Variants in CEP290 observed in about 807,000 individuals in gnomAD.
The protein encoded by CEP290 is centrosomal protein 290.
A neutral mutation model predicts 344.9 loss-of-function variants in CEP290; 317 were observed. The observed-to-expected ratio is 0.92, with a 90% confidence interval of 0.84 to 1.01. The LOEUF (loss-of-function observed/expected upper bound fraction) is 1.01. CEP290 is among the 50% of genes least tolerant of loss of function. CEP290 has a pLI of 0.00. For missense variants in CEP290, 2,754 were observed against 2,761.4 expected (o/e 1.00, Z 0.06); for synonymous variants, 932 against 895.8 (o/e 1.04, Z -0.72).
chr12:88,116,855 TC>T (rs982895664), intron 18 of CEP290, among the ~76,000 whole-genome samples, 177 bp downstream of exon 18: 1 of 151,070 alleles, frequency 6.6e-6, no homozygotes, highest in African/African-American at 2.4e-5. Context: ...GCGCCTGTAG[TC>T]CCAGCTACTT....
At chr12:88,061,966 A>T (rs2034519298) in intron 46 of CEP290, among the ~76,000 whole-genome samples, 1 of 152,050 alleles carries the variant, frequency 6.6e-6, no homozygotes, top group Non-Finnish European at 1.5e-5. Context: ...TTTAGTAGAG[A>T]TGGGGTTTCA....
At chr12:88,055,497 A>T in intron 50 of CEP290, 79 bp downstream of exon 50, 2 of 1,263,812 alleles carry the variant, frequency 1.6e-6, no homozygotes, top group South Asian at 1.8e-5. Flanking sequence ...GTCCATTTTT[A>T]TCTATATAAG....
Position 88,090,823 on chromosome 12 carries a change from C to G in CEP290, c.3478G>C (p.Asp1160His). The G allele has an allele frequency of 6.4e-7, 1 of 1,553,448 alleles. No homozygotes were observed. Among genetic ancestry groups the G allele is most frequent in the Non-Finnish European group, 8.7e-7 (1 of 1,145,824 alleles). ...VEVSKLREIS[D>H]IARRQVEILN... The stretch of plus-strand genomic sequence containing the variant: ...ATTTCAACTTGTCTTCTGGCAATAT[C>G]AGAAATCTCTCTCAGTCTAGGAAAT... Residue 1160 changes from aspartate (D) to histidine (H), a missense_variant, in exon 30 of 54, where the codon GAT (aspartate) becomes CAT (histidine). Coordinates refer to ENST00000552810, the MANE Select transcript of CEP290 (RefSeq NM_025114.4).
chr12:88,053,578 CAAAA>C (rs372674637), intron 52 of CEP290, 70 bp downstream of exon 52: 2,041 of 562,024 alleles, frequency 3.6e-3, no homozygotes, highest in South Asian at 5.8e-3. Flanking sequence ...AAATCTGAGC[CAAAA>C]AAAAAAAAAA....
In CEP290 at chr12:88,119,026, C is replaced by T. The variant is rs530671122; in HGVS notation, c.1523-283G>A. Among the ~76,000 whole-genome samples, 71 of 152,206 alleles carry T rather than the reference C, an allele frequency of 4.7e-4. 1 individual carries two copies. The highest frequency in any genetic ancestry group is 1.5e-3 in the African/African-American group (61 of 41,522). On this transcript the variant is annotated intron_variant, in intron 15 of 53. Coordinates refer to ENST00000552810, the MANE Select transcript of CEP290 (RefSeq NM_025114.4). ...ATGATGTCTATGACAGCTACCTAGA[C>T]GGGCCAGAAGTCATCTTTAGGAACT...
intron 25 of CEP290, among the ~76,000 whole-genome samples, chr12:88,106,130 TA>T (rs1207019684): frequency 1.3e-5 from 2 of 152,170 alleles, no homozygotes; most frequent in African/African-American, 4.8e-5. Flanking sequence ...TGATGCAATA[TA>T]AAGTATAGAA....
intron 41 of CEP290, among the ~76,000 whole-genome samples, chr12:88,073,117 TCTGAG>T (rs924134870): frequency 9.8e-5 from 15 of 152,346 alleles, no homozygotes; most frequent in Middle Eastern, 6.8e-3. Flanking sequence ...CTTACACTGG[TCTGAG>T]CTAAGAATTT....
In CEP290 at chr12:88,084,272, T is replaced by A. The variant is rs17015443; in HGVS notation, c.4704+314A>T. Among the ~76,000 whole-genome samples the A allele has an allele frequency of 0.034, 5,244 of 152,134 alleles. 139 individuals carry two copies. The highest frequency in any genetic ancestry group is 0.072 in the African/African-American group (3,006 of 41,556). On this transcript the variant is annotated intron_variant, in intron 35 of 53. Transcript: ENST00000552810. ...TCTAACAAATCTGATTTCTACTGAT[T>A]ACCGGTGTGATATATTTCATTCCAC...
At chr12:88,128,572 A>T (rs1187127588) in intron 11 of CEP290, among the ~76,000 whole-genome samples, 1 of 152,158 alleles carries the variant, frequency 6.6e-6, no homozygotes, top group Non-Finnish European at 1.5e-5. Context: ...CCTGACATTT[A>T]GTTAGAAAAA....
intron 13 of CEP290, among the ~76,000 whole-genome samples, chr12:88,124,455 C>A (rs973832186): frequency 1.3e-5 from 2 of 152,062 alleles, no homozygotes; most frequent in African/African-American, 4.8e-5. Flanking sequence ...AAATTACAAC[C>A]GTACCTGCAA....
At chr12:88,130,173 G>A in intron 9 of CEP290, 95 bp downstream of exon 9, 5 of 1,226,310 alleles carry the variant, frequency 4.1e-6, no homozygotes, top group Non-Finnish European at 3.4e-6. Context: ...TTTATACCAG[G>A]GAATTTACAT....
At chr12:88,078,591 A>G (rs1218331276) in intron 39 of CEP290, among the ~76,000 whole-genome samples, 1 of 152,102 alleles carries the variant, frequency 6.6e-6, no homozygotes, top group Non-Finnish European at 1.5e-5. Context: ...TACTATAATG[A>G]TGGATACATA....
At chr12:88,097,063 C>T (rs1168818611) in intron 26 of CEP290, 64 bp from the exon 27 acceptor site, 2 of 815,236 alleles carry the variant, frequency 2.5e-6, no homozygotes, top group Non-Finnish European at 3.9e-6. Context: ...CACAAAATGA[C>T]ATTGTCTTAA....
At position 88,070,609 on chromosome 12, in the gene CEP290, T is replaced by C. The variant is rs572774382; in HGVS notation, c.6011+685A>G. On this transcript the variant is annotated intron_variant, in intron 43 of 53. Coordinates refer to ENST00000552810, the MANE Select transcript of CEP290 (RefSeq NM_025114.4). ...GGGAAATCTCCAATTGGTAGAGCTA[T>C]GATACTAAGAGGGTAAGGTAAAAGT... Among the ~76,000 whole-genome samples the C allele has an allele frequency of 2.6e-5, 4 of 152,262 alleles. No homozygotes were observed. The South Asian group carries it at 8.3e-4, about 32-fold the overall frequency.
rs376688469 is a variant in CEP290, at chr12:88,117,148, A to G, written c.1712-3T>C. 6.4e-6 allele frequency: 9 copies of G among 1,397,418 alleles called. No homozygotes were observed. The African/African-American group carries it at 8.6e-5, about 13-fold the overall frequency. The allele number at this position is 1,397,418 out of a possible 1,614,324, so 86.6% of individuals were successfully genotyped here. A position where few individuals can be genotyped will look rare whatever the true frequency, so the allele number is the denominator to read the frequency against. ...GTTCAGGTCCTCAGTGGTTAATCCT[A>G]TATATAAGAGAATTAACAAACTAAA... On this transcript the variant is annotated splice_polypyrimidine_tract_variant and splice_region_variant and intron_variant, in intron 17 of 53. Coordinates refer to ENST00000552810, the MANE Select transcript of CEP290 (RefSeq NM_025114.4).
chr12:88,115,011 CAG>C (rs1261980545), intron 19 of CEP290, 85 bp downstream of exon 19: 3 of 680,776 alleles, frequency 4.4e-6, no homozygotes, highest in Non-Finnish European at 7.6e-6. Context: ...GATTAGAAAA[CAG>C]AGAATGTGTT....
intron 49 of CEP290, 88 bp downstream of exon 49, chr12:88,058,760 C>G: frequency 7.8e-7 from 1 of 1,279,590 alleles, no homozygotes; most frequent in South Asian, 1.4e-5. Flanking sequence ...AGGAAGAAAC[C>G]AGGTTATCCA....
At chr12:88,082,214 C>A (rs946980208) in intron 37 of CEP290, among the ~76,000 whole-genome samples, 11 of 152,146 alleles carry the variant, frequency 7.2e-5, no homozygotes, top group African/African-American at 2.4e-4. Context: ...AATCTACGTT[C>A]TGATAAAGTG....
At chr12:88,056,639 C>T (rs188759484) in intron 49 of CEP290, among the ~76,000 whole-genome samples, 40 of 152,234 alleles carry the variant, frequency 2.6e-4, no homozygotes, top group Non-Finnish European at 2.6e-4. Flanking sequence ...AACAGAGAGG[C>T]CTCCTCTGAT....
Sources: allele counts gnomAD v4.1 joint callset (sites outside exome capture counted in the v4.1 genomes callset), GRCh38; gene constraint gnomAD v4.1.1; transcripts MANE v1.5; gene names NCBI Gene and HGNC (gene_info 2026-07-23, HGNC 2026-07-21).